The following PCDH15 variants were observed in gnomAD, a reference collection of about 807,000 sequenced individuals.
PCDH15 encodes protocadherin-15.
Under a neutral mutation model 178.5 loss-of-function variants are expected in PCDH15, and 129 were observed. That is an observed-to-expected ratio of 0.72 (90% CI 0.63 to 0.84). PCDH15 has a LOEUF of 0.84. PCDH15 is among the 40% of genes least tolerant of loss of function. The pLI, the probability that PCDH15 is intolerant of heterozygous loss-of-function variation, is 0.00. For synonymous variants in PCDH15, 800 were observed against 732.0 expected (o/e 1.09, Z -1.50); for missense variants, 2,230 against 2,099.9 (o/e 1.06, Z -1.21).
At chr10:55,142,489 A>G (rs1838380918) in intron 2 of PCDH15, among the ~76,000 whole-genome samples, 1 of 151,342 alleles carries the variant, frequency 6.6e-6, no homozygotes, top group South Asian at 2.1e-4. Context: ...TAAGTTAAAT[A>G]TATTTTCAGG....
chr10:55,377,438 A>C (rs1837425151), intron 2 of PCDH15, among the ~76,000 whole-genome samples: 1 of 151,860 alleles, frequency 6.6e-6, no homozygotes, highest in Non-Finnish European at 1.5e-5. Flanking sequence ...TTATTTAAAA[A>C]CAGGAAAATT....
chr10:54,860,318 G>T (rs559439414), intron 3 of PCDH15, among the ~76,000 whole-genome samples: 13 of 152,040 alleles, frequency 8.6e-5, no homozygotes, highest in African/African-American at 2.9e-4. Context: ...CACTCTAGTT[G>T]TCCCCAGTGT....
At chr10:55,420,306 A>G (rs1473671903) in intron 2 of PCDH15, among the ~76,000 whole-genome samples, 1 of 83,050 alleles carries the variant, frequency 1.2e-5, no homozygotes, top group Non-Finnish European at 2.3e-5. Flanking sequence ...TAAAGCTCAT[A>G]TGGTAAAGCT....
At chr10:54,549,308 A>G (rs2086268630) in intron 2 of PCDH15, among the ~76,000 whole-genome samples, 1 of 151,922 alleles carries the variant, frequency 6.6e-6, no homozygotes, top group East Asian at 1.9e-4. Flanking sequence ...AGTTAAGGCT[A>G]TAAATTGCCC....
At chr10:53,827,200 G>T (rs1339963923) in intron 32 of PCDH15, among the ~76,000 whole-genome samples, 193 bp downstream of exon 32, 2 of 151,830 alleles carry the variant, frequency 1.3e-5, no homozygotes, top group African/African-American at 4.8e-5. Context: ...TTTAATTTCT[G>T]GTTTGGTTTT....
intron 3 of PCDH15, among the ~76,000 whole-genome samples, chr10:54,416,112 T>G (rs1954331326): frequency 6.6e-6 from 1 of 152,034 alleles, no homozygotes; most frequent in African/African-American, 2.4e-5. Flanking sequence ...TACAGGCACA[T>G]GCCACCATGC....
intron 18 of PCDH15, among the ~76,000 whole-genome samples, chr10:54,055,028 A>G (rs1275671846): frequency 1.3e-5 from 2 of 152,172 alleles, no homozygotes; most frequent in Non-Finnish European, 2.9e-5. Context: ...ACACAGGGAG[A>G]CAACTATAGT....
intron 2 of PCDH15, among the ~76,000 whole-genome samples, chr10:55,355,703 T>C (rs2131972407): frequency 6.6e-6 from 1 of 152,132 alleles, no homozygotes; most frequent in Non-Finnish European, 1.5e-5. Context: ...GCTTGTTTCC[T>C]CTTAATAGTG....
intron 2 of PCDH15, among the ~76,000 whole-genome samples, chr10:54,950,509 G>A (rs1838313189): frequency 1.3e-5 from 2 of 151,980 alleles, no homozygotes; most frequent in South Asian, 4.1e-4. Context: ...GATGTAACTT[G>A]CTCCTCCTTT....
At chr10:54,447,476 T>C (rs938723267) in intron 3 of PCDH15, among the ~76,000 whole-genome samples, 14 of 151,764 alleles carry the variant, frequency 9.2e-5, no homozygotes, top group African/African-American at 3.4e-4. Context: ...ATAAGTGAGA[T>C]TATGTCATGT....
chr10:54,536,485 CT>C (rs76657052), intron 2 of PCDH15, among the ~76,000 whole-genome samples: 15,546 of 151,810 alleles, frequency 0.1, 1,028 homozygotes, highest in East Asian at 0.35. Flanking sequence ...CATATGTTAA[CT>C]TTTTAAAAAA....
chr10:54,252,616 G>A (rs1156819486), intron 8 of PCDH15, among the ~76,000 whole-genome samples: 1 of 152,018 alleles, frequency 6.6e-6, no homozygotes, highest in Non-Finnish European at 1.5e-5. Context: ...GAACGACCAA[G>A]GTCTTCAAAA....
At chr10:54,983,278 C>T (rs1406431020) in intron 2 of PCDH15, among the ~76,000 whole-genome samples, 1 of 152,056 alleles carries the variant, frequency 6.6e-6, no homozygotes, top group Non-Finnish European at 1.5e-5. Flanking sequence ...AGAGAACAAT[C>T]AGGTAGTTCT....
At chr10:54,452,218 T>C (rs563081508) in intron 3 of PCDH15, among the ~76,000 whole-genome samples, 1 of 152,068 alleles carries the variant, frequency 6.6e-6, no homozygotes, top group South Asian at 2.1e-4. Context: ...GTTTACCTCT[T>C]AGCCAATACT....
At chr10:55,502,129 T>G (rs1840670381) in intron 2 of PCDH15, among the ~76,000 whole-genome samples, 1 of 151,674 alleles carries the variant, frequency 6.6e-6, no homozygotes, top group Non-Finnish European at 1.5e-5. Context: ...ACCTTACTAT[T>G]TTTCCTACCT....
chr10:54,568,243 A>T (rs1318117122), intron 2 of PCDH15, among the ~76,000 whole-genome samples: 2 of 151,896 alleles, frequency 1.3e-5, no homozygotes, highest in Non-Finnish European at 2.9e-5. Context: ...CATCTTCCAG[A>T]TGCCTACATG....
At chr10:55,439,476 G>C (rs1006411031) in intron 2 of PCDH15, among the ~76,000 whole-genome samples, 1 of 151,548 alleles carries the variant, frequency 6.6e-6, no homozygotes, top group African/African-American at 2.4e-5. Context: ...AATATGAGTA[G>C]AAAAAAAATG....
At chr10:55,093,199 A>G (rs1282199597) in intron 2 of PCDH15, among the ~76,000 whole-genome samples, 1 of 152,066 alleles carries the variant, frequency 6.6e-6, no homozygotes, top group African/African-American at 2.4e-5. Context: ...AATATCCATC[A>G]ATATTTATTT....
chr10:55,186,356 A>G (rs753477851), intron 1 of PCDH15, among the ~76,000 whole-genome samples: 6 of 151,308 alleles, frequency 4.0e-5, no homozygotes, highest in Admixed American at 2.6e-4. Context: ...TAAAAAACCA[A>G]TTGAACTGTT....
Sources: allele counts gnomAD v4.1 joint callset (sites outside exome capture counted in the v4.1 genomes callset), GRCh38; gene constraint gnomAD v4.1.1; transcripts MANE v1.5; gene names NCBI Gene and HGNC (gene_info 2026-07-23, HGNC 2026-07-21).